Variants in UBE2L3 observed in about 807,000 individuals in gnomAD.
UBE2L3 encodes ubiquitin conjugating enzyme E2 L3, also known as ubiquitin-conjugating enzyme E2 L3.
A neutral mutation model predicts 17.8 loss-of-function variants in UBE2L3; 1 was observed. The ratio of observed to expected loss-of-function variants is 0.06; its 90% CI spans 0.02 to 0.27. The LOEUF is 0.27. Ranked by LOEUF, UBE2L3 falls within the 10% of genes least tolerant of loss-of-function variation. The pLI is 1.00. For synonymous variants in UBE2L3, 44 were observed against 68.5 expected, an observed-to-expected ratio of 0.64 and a Z score of 1.76; for missense variants, 40 against 192.6, an observed-to-expected ratio of 0.21 and a Z score of 4.69.
upstream of UBE2L3, among the ~76,000 whole-genome samples, chr22:21,566,585 CAAAA>C (rs58829886): frequency 7.4e-6 from 1 of 134,848 alleles, no homozygotes; most frequent in African/African-American, 2.8e-5. Context: ...GACTCTGTCT[CAAAA>C]AAAAAAAAAA....
intron 1 of UBE2L3, among the ~76,000 whole-genome samples, chr22:21,583,602 A>G (rs1927762107): frequency 6.6e-6 from 1 of 152,162 alleles, no homozygotes; most frequent in African/African-American, 2.4e-5. Context: ...AGGAGACTCA[A>G]GAGGGTGTAT....
intron 2 of UBE2L3, among the ~76,000 whole-genome samples, chr22:21,604,896 T>TG (rs1182006431): frequency 6.6e-6 from 1 of 152,172 alleles, no homozygotes; most frequent in African/African-American, 2.4e-5. Context: ...CCCTGGGTGG[T>TG]GAGAGGCCTG....
intron 1 of UBE2L3, among the ~76,000 whole-genome samples, chr22:21,591,082 A>C (rs1021227257): frequency 3.9e-5 from 6 of 152,182 alleles, no homozygotes; most frequent in South Asian, 2.1e-4. Flanking sequence ...TCTTGTGAGC[A>C]GGAGGACCAG....
At chr22:21,581,600 G>A (rs1175232512) in intron 1 of UBE2L3, among the ~76,000 whole-genome samples, 2 of 151,524 alleles carry the variant, frequency 1.3e-5, no homozygotes, top group East Asian at 1.9e-4. Context: ...TCGGGAGTTC[G>A]AGACCAGCCT....
chr22:21,560,446 A>ATTTTTTTTTTTTTTTTTTTTTTTTTT (rs59968738), intron 1 of UBE2L3, among the ~76,000 whole-genome samples: 1 of 126,246 alleles, frequency 7.9e-6, no homozygotes, highest in Non-Finnish European at 1.6e-5. Flanking sequence ...CTTTAGATCT[A>ATTTTTTTTTTTTTTTTTTTTTTTTTT]TTTTTTTTTT....
At chr22:21,551,992 T>TACACACACAC (rs750566572) in intron 1 of UBE2L3, among the ~76,000 whole-genome samples, 1 of 99,770 alleles carries the variant, frequency 1.0e-5, no homozygotes, top group Non-Finnish European at 2.0e-5. Flanking sequence ...ACTGAAGAAA[T>TACACACACAC]ACACACACAC....
chr22:21,589,485 A>G (rs1928144229), intron 1 of UBE2L3, among the ~76,000 whole-genome samples: 1 of 152,048 alleles, frequency 6.6e-6, no homozygotes, highest in Non-Finnish European at 1.5e-5. Context: ...TGTCCACAGG[A>G]CCGTCTTGTG....
At chr22:21,584,351 A>G (rs927060112) in intron 1 of UBE2L3, among the ~76,000 whole-genome samples, 1 of 148,322 alleles carries the variant, frequency 6.7e-6, no homozygotes. Context: ...TAATTTTTGT[A>G]TTTTTAGTAG....
chr22:21,618,135 T>A (rs974881043), intron 3 of UBE2L3, among the ~76,000 whole-genome samples: 1 of 152,048 alleles, frequency 6.6e-6, no homozygotes, highest in Non-Finnish European at 1.5e-5. Flanking sequence ...GAGCTGAGAT[T>A]GTGCCACTGC....
chr22:21,597,658 T>C (rs2148427291), intron 2 of UBE2L3, among the ~76,000 whole-genome samples: 1 of 152,178 alleles, frequency 6.6e-6, no homozygotes, highest in East Asian at 1.9e-4. Context: ...TATACTTTGG[T>C]TTGATTTTTA....
At chr22:21,567,675 G>T (rs758039652), upstream of UBE2L3, 12 of 1,552,566 alleles carry the variant, frequency 7.7e-6, no homozygotes, top group Non-Finnish European at 8.7e-6. Flanking sequence ...CCCGCTCCAG[G>T]AAGTGCGGGG....
chr22:21,588,249 T>C (rs777892898), intron 1 of UBE2L3, among the ~76,000 whole-genome samples: 8 of 152,210 alleles, frequency 5.3e-5, no homozygotes, highest in Non-Finnish European at 1.2e-4. Flanking sequence ...TCTTCTGTCA[T>C]TTGTAACATC....
chr22:21,565,754 CAAAAAAAAAAAAAAAAAAAA>C (rs131662), upstream of UBE2L3, among the ~76,000 whole-genome samples: 1 of 30,276 alleles, frequency 3.3e-5, no homozygotes, highest in Non-Finnish European at 5.9e-5. Flanking sequence ...AACTGTGTCT[CAAAAAAAAAAAAAAAAAAAA>C]AAAAAAAAAA....
intron 1 of UBE2L3, among the ~76,000 whole-genome samples, chr22:21,572,726 A>G (rs1927050264): frequency 6.6e-6 from 1 of 152,072 alleles, no homozygotes. Flanking sequence ...CCAGACTCCA[A>G]CCACTTCCAG....
chr22:21,567,823 C>A, intron 1 of UBE2L3, 52 bp downstream of exon 1: 1 of 1,562,202 alleles, frequency 6.4e-7, no homozygotes, highest in East Asian at 2.3e-5. Context: ...TCCTAGGCTC[C>A]GGATCCCCGA....
At chr22:21,621,379 A>G in intron 3 of UBE2L3, 136 bp from the exon 4 acceptor site, 1 of 1,097,520 alleles carries the variant, frequency 9.1e-7, no homozygotes, top group Non-Finnish European at 1.3e-6. Context: ...GATAAATAGG[A>G]GGCAGCTTTG....
chr22:21,566,625 A>G (rs908593761), upstream of UBE2L3, among the ~76,000 whole-genome samples: 5 of 151,244 alleles, frequency 3.3e-5, no homozygotes, highest in Non-Finnish European at 7.4e-5. Context: ...GTCAATACTC[A>G]TATCTATCAA....
intron 1 of UBE2L3, chr22:21,568,442 C>T (rs1341919048): frequency 8.5e-5 from 84 of 985,178 alleles, no homozygotes; most frequent in Non-Finnish European, 9.9e-5. Context: ...GCTTCCCTCT[C>T]CTCCACTCAG....
intron 1 of UBE2L3, among the ~76,000 whole-genome samples, chr22:21,579,054 G>C (rs1927482770): frequency 6.6e-6 from 1 of 150,844 alleles, no homozygotes; most frequent in African/African-American, 2.4e-5. Context: ...GCAATGGTGT[G>C]ATCTCGGCTC....
Sources: allele counts gnomAD v4.1 joint callset (sites outside exome capture counted in the v4.1 genomes callset), GRCh38; gene constraint gnomAD v4.1.1; transcripts MANE v1.5; gene names NCBI Gene and HGNC (gene_info 2026-07-23, HGNC 2026-07-21).